Variants in TMEM132C observed in about 807,000 individuals in gnomAD.
The protein encoded by TMEM132C is protein phosphatase 1, regulatory subunit 152.
In TMEM132C, 29 loss-of-function variants were observed where a neutral mutation model predicts 61.4. That is an observed-to-expected ratio of 0.47 (90% CI 0.35 to 0.64). The LOEUF is 0.64. Among genes scored for constraint, TMEM132C ranks in the 30% least tolerant of loss-of-function variants. The pLI is 0.00. For synonymous variants in TMEM132C, 656 were observed against 633.1 expected, an observed-to-expected ratio of 1.04 and a Z score of -0.54; for missense variants, 1,408 against 1,476.9, an observed-to-expected ratio of 0.95 and a Z score of 0.76.
chr12:128,594,374 ACACAC>A (rs1875871362), intron 3 of TMEM132C, among the ~76,000 whole-genome samples: 1 of 79,164 alleles, frequency 1.3e-5, no homozygotes, highest in Non-Finnish European at 2.4e-5. Context: ...CCCCAACCCC[ACACAC>A]ACTGGAATGA....
At chr12:128,607,763 G>A (rs540017936) in intron 3 of TMEM132C, among the ~76,000 whole-genome samples, 25 of 152,306 alleles carry the variant, frequency 1.6e-4, no homozygotes, top group African/African-American at 3.9e-4. Flanking sequence ...CTCTTTGGGC[G>A]TGTTAGGTAT....
chr12:128,388,386 G>T (rs865818568), intron 1 of TMEM132C, among the ~76,000 whole-genome samples: 1 of 152,258 alleles, frequency 6.6e-6, no homozygotes, highest in African/African-American at 2.4e-5. Context: ...CAGTTTTTAT[G>T]TGCTGTCTCT....
At chr12:128,328,330 A>G (rs935933038) in intron 1 of TMEM132C, among the ~76,000 whole-genome samples, 1 of 152,152 alleles carries the variant, frequency 6.6e-6, no homozygotes, top group Non-Finnish European at 1.5e-5. Flanking sequence ...GATAAGACCA[A>G]ATTGGGATGA....
intron 2 of TMEM132C, among the ~76,000 whole-genome samples, chr12:128,480,841 T>C (rs1411263457): frequency 6.6e-6 from 1 of 152,176 alleles, no homozygotes; most frequent in African/African-American, 2.4e-5. Flanking sequence ...GACAAAGTCA[T>C]ACATCATCTT....
chr12:128,413,544 A>G (rs1868644809), intron 1 of TMEM132C, among the ~76,000 whole-genome samples: 1 of 151,658 alleles, frequency 6.6e-6, no homozygotes, highest in African/African-American at 2.4e-5. Flanking sequence ...ATACTTGGTA[A>G]TTTTTGTCAG....
In TMEM132C at chr12:128,297,030, T is replaced by C. The variant is rs2135914570; in HGVS notation, c.85+29543T>C. On this transcript the variant is annotated intron_variant, in intron 1 of 8. Transcript: ENST00000435159. ...TTTTTATGGATGTAGGAAATACAGC[T>C]GTAATTCCGTCAAATGGTCTTTTTT... 2.0e-5 allele frequency among the ~76,000 whole-genome samples: 3 copies of C among 152,242 alleles called. 1 individual carries two copies. In the East Asian group the frequency reaches 5.8e-4, roughly 29 times the overall value.
intron 2 of TMEM132C, among the ~76,000 whole-genome samples, chr12:128,425,467 G>C (rs897925459): frequency 6.6e-6 from 1 of 152,220 alleles, no homozygotes; most frequent in Non-Finnish European, 1.5e-5. Flanking sequence ...ATCGCTTCTC[G>C]ACCACCACTG....
chr12:128,419,309 A>C lies in TMEM132C; in HGVS notation c.974+3689A>C, dbSNP rs560037426. Among the ~76,000 whole-genome samples, 4 of 152,272 alleles carry C rather than the reference A, an allele frequency of 2.6e-5. No homozygotes were observed. In the East Asian group the frequency reaches 7.7e-4, roughly 29 times the overall value. ...AGCTTAGCCTCAAGCCAGCTGGCAA[A>C]GACAGAGTCCCTGGAATTCCATCCT... On this transcript the variant is annotated intron_variant, in intron 2 of 8. Coordinates refer to ENST00000435159, the MANE Select transcript of TMEM132C (RefSeq NM_001136103.3).
At chr12:128,399,422 A>G (rs778061344) in intron 1 of TMEM132C, among the ~76,000 whole-genome samples, 5 of 152,340 alleles carry the variant, frequency 3.3e-5, no homozygotes, top group Admixed American at 6.5e-5. Flanking sequence ...CAATAGATAC[A>G]GCGAAACATT....
At chr12:128,515,968 G>A (rs113644841) in intron 2 of TMEM132C, among the ~76,000 whole-genome samples, 9 of 152,130 alleles carry the variant, frequency 5.9e-5, no homozygotes, top group East Asian at 3.8e-4. Context: ...ACACAGGCAC[G>A]TCGGGCCCAT....
chr12:128,651,572 T>TG (rs1284747281), intron 4 of TMEM132C, among the ~76,000 whole-genome samples: 1 of 152,110 alleles, frequency 6.6e-6, no homozygotes, highest in African/African-American at 2.4e-5. Context: ...TTCCAGGCAG[T>TG]GGGGGAGGAA....
intron 5 of TMEM132C, 87 bp downstream of exon 5, chr12:128,669,647 A>G (rs1954511989): frequency 6.8e-7 from 1 of 1,474,382 alleles, no homozygotes. Flanking sequence ...ACTGAAATAC[A>G]TGACGTTCAA....
chr12:128,674,344 C>T (rs1273793293), intron 5 of TMEM132C, among the ~76,000 whole-genome samples: 2 of 152,204 alleles, frequency 1.3e-5, no homozygotes, highest in Admixed American at 1.3e-4. Context: ...ATATTGTGTT[C>T]ATCCATTCAC....
intron 1 of TMEM132C, among the ~76,000 whole-genome samples, chr12:128,281,343 A>G (rs1053815195): frequency 2.0e-5 from 3 of 152,140 alleles, no homozygotes; most frequent in African/African-American, 7.2e-5. Flanking sequence ...TCCTCTCCAG[A>G]CAGGTCCTGT....
At chr12:128,622,987 A>G (rs1412146955) in intron 4 of TMEM132C, among the ~76,000 whole-genome samples, 1 of 152,190 alleles carries the variant, frequency 6.6e-6, no homozygotes, top group African/African-American at 2.4e-5. Context: ...TTTTCTTGTC[A>G]CAGCTGGAAA....
intron 2 of TMEM132C, among the ~76,000 whole-genome samples, chr12:128,432,739 T>C (rs1869435571): frequency 6.6e-6 from 1 of 152,198 alleles, no homozygotes. Flanking sequence ...AGATTTGTAA[T>C]AGTACATAAA....
At chr12:128,275,064 A>G (rs113459646) in intron 1 of TMEM132C, among the ~76,000 whole-genome samples, 116 of 152,306 alleles carry the variant, frequency 7.6e-4, no homozygotes, top group African/African-American at 2.7e-3. Context: ...TGAAAAATCA[A>G]CCAATGTTCA....
chr12:128,327,145 TTCC>T (rs1292967962), intron 1 of TMEM132C, among the ~76,000 whole-genome samples: 1 of 150,072 alleles, frequency 6.7e-6, no homozygotes, highest in East Asian at 1.9e-4. Flanking sequence ...AGCCCCTGTC[TTCC>T]TCATTAGCAG....
At position 128,576,712 on chromosome 12, in the gene TMEM132C, C is replaced by T. The variant is rs777786304; in HGVS notation, c.1121+32609C>T. Among the ~76,000 whole-genome samples the T allele has an allele frequency of 3.9e-5, 6 of 152,320 alleles. No homozygotes were observed. The East Asian group carries it at 5.8e-4, about 15-fold the overall frequency. ...ACAGGTTAAGCCATTTGTCCGTGATCGCACACCTAAGGGGTGGCAGAGTTT... is the reference window on the plus strand; with the variant it reads ...ACAGGTTAAGCCATTTGTCCGTGATTGCACACCTAAGGGGTGGCAGAGTTT... On this transcript the variant is annotated intron_variant, in intron 3 of 8. Coordinates refer to ENST00000435159, the MANE Select transcript of TMEM132C (RefSeq NM_001136103.3).
Sources: gnomAD v4.1 joint callset for allele counts (sites outside exome capture counted in the v4.1 genomes callset) on GRCh38, gnomAD v4.1.1 for gene constraint, MANE v1.5 for transcripts, NCBI Gene and HGNC (gene_info 2026-07-23, HGNC 2026-07-21) for gene names.